Variants in PRKCZ observed in about 807,000 individuals in gnomAD.
PRKCZ encodes the protein protein kinase C zeta.
Under a neutral mutation model 79.5 loss-of-function variants are expected in PRKCZ, and 33 were observed. That is an observed-to-expected ratio of 0.41 (90% confidence interval 0.31 to 0.55). The LOEUF is 0.55. Ranked by LOEUF, PRKCZ falls within the 20% of genes least tolerant of loss-of-function variation. The probability of loss-of-function intolerance (pLI) is 0.19; values close to 1 mark genes in which losing one functional copy is unlikely to be tolerated. For missense variants in PRKCZ, 578 were observed against 813.5 expected (o/e 0.71, Z 3.52); for synonymous variants, 342 against 320.9 (o/e 1.07, Z -0.70).
At position 2,062,592 on chromosome 1, in the gene PRKCZ, C is replaced by T. The variant is rs534722909; in HGVS notation, c.334+3001C>T. 9.3e-5 allele frequency among the ~76,000 whole-genome samples: 14 copies of T among 151,054 alleles called. No homozygotes were observed. The South Asian group carries it at 1.5e-3, about 16-fold the overall frequency. On this transcript the variant is annotated intron_variant, in intron 4 of 17. Coordinates refer to ENST00000378567, the MANE Select transcript of PRKCZ (RefSeq NM_002744.6). ...TACTACTCTGCCTCTCAGGCTCAAG[C>T]GGTCCTCATGCCTCAGCCTCCCGAG... is the stretch of plus-strand genomic sequence containing the variant.
intron 5 of PRKCZ, among the ~76,000 whole-genome samples, chr1:2,136,909 G>A (rs1158513673): frequency 6.6e-6 from 1 of 152,124 alleles, no homozygotes; most frequent in African/African-American, 2.4e-5. Context: ...TATGAGTCAG[G>A]GTTCTCCAGA....
rs369687421 is a variant in PRKCZ, at chr1:2,156,024, C to T, written c.906C>T (p.His302=). ...TTGACTGGGTACAGACAGAGAAGCA[C>T]GTGTTTGAGCAGGCATCCAGCAACC... ...EDIDWVQTEK[H]VFEQASSNPF... is the part of the protein sequence containing the mutation. Residue 302 remains histidine (H), a synonymous_variant, in exon 10 of 18, where the codon CAC becomes CAT. Transcript: ENST00000378567. 3.1e-5 allele frequency: 50 copies of T among 1,613,808 alleles called. 1 individual carries two copies. The highest frequency in any genetic ancestry group is 2.2e-4 in the South Asian group (20 of 91,080).
At chr1:2,109,858 C>T (rs998908652) in intron 4 of PRKCZ, among the ~76,000 whole-genome samples, 11 of 152,148 alleles carry the variant, frequency 7.2e-5, no homozygotes, top group African/African-American at 1.7e-4. Flanking sequence ...ATCCTGGAGC[C>T]GGGCGAGAGA....
At chr1:2,112,292 C>A (rs1033091405) in intron 4 of PRKCZ, among the ~76,000 whole-genome samples, 1 of 152,242 alleles carries the variant, frequency 6.6e-6, no homozygotes, top group Non-Finnish European at 1.5e-5. Context: ...TAAGCTGAGG[C>A]CCCTGCCCCA....
intron 5 of PRKCZ, 108 bp from the exon 6 acceptor site, chr1:2,144,102 C>A: frequency 6.9e-7 from 1 of 1,442,922 alleles, no homozygotes; most frequent in Non-Finnish European, 9.3e-7. Flanking sequence ...CACCTGTTGC[C>A]CGGCTCAGTG....
chr1:2,085,340 C>G (rs1345340670), intron 4 of PRKCZ, among the ~76,000 whole-genome samples: 5 of 152,232 alleles, frequency 3.3e-5, no homozygotes, highest in African/African-American at 1.2e-4. Context: ...AGCTTTGTGC[C>G]CTGTGTTACC....
intron 9 of PRKCZ, among the ~76,000 whole-genome samples, chr1:2,155,578 A>T (rs956352402): frequency 2.8e-5 from 4 of 140,538 alleles, no homozygotes; most frequent in African/African-American, 7.6e-5. Flanking sequence ...GATGATGCAG[A>T]TGGTGATGAC....
chr1:2,129,410 T>G (rs576728928), intron 4 of PRKCZ, among the ~76,000 whole-genome samples: 8 of 152,010 alleles, frequency 5.3e-5, no homozygotes, highest in Non-Finnish European at 1.2e-4. Flanking sequence ...TCAGAAAGTC[T>G]GAGAAAGTCA....
At chr1:2,056,789 C>G (rs1196390282) in intron 3 of PRKCZ, among the ~76,000 whole-genome samples, 1 of 147,516 alleles carries the variant, frequency 6.8e-6, no homozygotes, top group African/African-American at 2.5e-5. Flanking sequence ...AGTGCAGTGG[C>G]ACAATCTCAG....
rs1435791830 is a variant in PRKCZ, at chr1:2,169,542, C to T, written c.999C>T (p.Val333=). The part of the protein sequence containing the change: ...TSRLFLVIEY[V]NGGDLMFHMQ... ...GGTTGTTCCTGGTCATTGAGTACGT[C>T]AACGGCGGGGACCTGATGTTCCACA... Residue 333 remains valine, a synonymous_variant, in exon 11 of 18, where the codon GTC becomes GTT. Coordinates refer to ENST00000378567, the MANE Select transcript of PRKCZ (RefSeq NM_002744.6). The T allele has an allele frequency of 2.6e-6, 4 of 1,547,126 alleles. No individual in the cohort carries two copies. Among genetic ancestry groups the T allele is most frequent in the Non-Finnish European group, 3.5e-6 (4 of 1,143,982 alleles).
rs995712178 is a variant in PRKCZ at position 2,082,089 on chromosome 1, G to A, written c.334+22498G>A. ...ACTCCGAATAGGACACCACACAGTCGTGCCAAGAAGGCGCCTAAGTGTCTT... is the reference window on the plus strand; with the variant it reads ...ACTCCGAATAGGACACCACACAGTCATGCCAAGAAGGCGCCTAAGTGTCTT... On this transcript the variant is annotated intron_variant, in intron 4 of 17. Transcript: ENST00000378567. The surrounding 1 kb of genome is among the most constrained non-coding windows in gnomAD (Gnocchi z 4.4). Among the ~76,000 whole-genome samples, 4 of 152,394 alleles carry A rather than the reference G, an allele frequency of 2.6e-5. No homozygotes were observed. Among genetic ancestry groups the A allele is most frequent in the East Asian group, 1.9e-4 (1 of 5,192 alleles).
At chr1:2,074,048 G>T in intron 4 of PRKCZ, 1 of 1,444,748 alleles carries the variant, frequency 6.9e-7, no homozygotes. Context: ...TCTGAGTCCC[G>T]GCGTTGCCGC....
At chr1:2,175,465 C>T (rs1411669896) in intron 16 of PRKCZ, 152 bp downstream of exon 16, 15 of 630,862 alleles carry the variant, frequency 2.4e-5, no homozygotes, top group Non-Finnish European at 4.0e-5. Context: ...ATTCATCCAA[C>T]CCTCACCCCA....
At position 2,122,021 on chromosome 1, in the gene PRKCZ, C is replaced by T. The variant is rs1490612997; in HGVS notation, c.335-13241C>T. Among the ~76,000 whole-genome samples the T allele has an allele frequency of 8.6e-4, 3 of 3,486 alleles. 1 individual carries two copies. The highest frequency in any genetic ancestry group is 1.3e-3 in the Non-Finnish European group (3 of 2,258). The allele number at this position is 3,486 out of a possible 152,430, so 2.3% of individuals were successfully genotyped here. A position where few individuals can be genotyped will look rare whatever the true frequency, so the allele number is the denominator to read the frequency against. On this transcript the variant is annotated intron_variant, in intron 4 of 17. Transcript: ENST00000378567. ...TTAGGGTCACGGTGGTGGTTAGGGT[C>T]GTGGTAGTTAGGTTCATGGTGGTGG...
chr1:2,110,835 T>A (rs945636448), intron 4 of PRKCZ, among the ~76,000 whole-genome samples: 4 of 150,996 alleles, frequency 2.6e-5, no homozygotes, highest in Non-Finnish European at 1.5e-5. Flanking sequence ...GACAGTAGAG[T>A]CCCTGTAGGG....
intron 5 of PRKCZ, among the ~76,000 whole-genome samples, chr1:2,138,265 G>A (rs1032255883): frequency 2.0e-5 from 3 of 152,206 alleles, no homozygotes; most frequent in Admixed American, 6.5e-5. Context: ...GTGGGCATCC[G>A]TCGCTGGGGA....
At chr1:2,068,975 C>G (rs965526434) in intron 4 of PRKCZ, among the ~76,000 whole-genome samples, 3 of 152,202 alleles carry the variant, frequency 2.0e-5, no homozygotes, top group African/African-American at 7.2e-5. Context: ...GCAGCCTCCC[C>G]TCAGAGTTGG....
chr1:2,143,982 T>C, intron 5 of PRKCZ: 1 of 544,526 alleles, frequency 1.8e-6, no homozygotes, highest in Non-Finnish European at 3.2e-6. Context: ...CAGAGCAGGG[T>C]TCCAGGCCTC....
At chr1:2,136,882 C>G (rs1389162500) in intron 5 of PRKCZ, among the ~76,000 whole-genome samples, 1 of 152,174 alleles carries the variant, frequency 6.6e-6, no homozygotes, top group Non-Finnish European at 1.5e-5. Flanking sequence ...GCTGGAAGTC[C>G]AAAACGAAGG....
Sources: allele counts gnomAD v4.1 joint callset (sites outside exome capture counted in the v4.1 genomes callset), GRCh38; gene constraint gnomAD v4.1.1; non-coding constraint Gnocchi (gnomAD v3.1); transcripts MANE v1.5; gene names NCBI Gene and HGNC (gene_info 2026-07-23, HGNC 2026-07-21).